The following CFAP47 variants were observed in gnomAD, a reference collection of about 807,000 sequenced individuals.
The protein encoded by CFAP47 is cilia- and flagella-associated protein 47.
A neutral mutation model predicts 148.1 loss-of-function variants in CFAP47; 29 were observed. The ratio of observed to expected loss-of-function variants is 0.20; its 90% CI spans 0.15 to 0.27. The LOEUF (loss-of-function observed/expected upper bound fraction) is 0.27, where lower values mean the gene tolerates loss of function less well. CFAP47 is among the 10% of genes least tolerant of loss of function. The pLI, the probability that CFAP47 is intolerant of heterozygous loss-of-function variation, is 1.00. For missense variants in CFAP47, 1,872 were observed against 1,697.5 expected (o/e 1.10, Z -1.81); for synonymous variants, 664 against 577.3 (o/e 1.15, Z -2.15).
chrX:35,993,841 C>T (rs1339490448), intron 18 of CFAP47, among the ~76,000 whole-genome samples: 1 of 111,263 alleles, frequency 9.0e-6, no homozygotes, highest in Non-Finnish European at 1.9e-5. Flanking sequence ...ATCAATTTTG[C>T]AATGCTAATT....
At chrX:36,287,065 G>A (rs1026863176) in intron 51 of CFAP47, among the ~76,000 whole-genome samples, 3 of 110,871 alleles carry the variant, frequency 2.7e-5, no homozygotes, top group African/African-American at 9.8e-5. Context: ...TACTTTATGT[G>A]CATATTTAAG....
intron 62 of CFAP47, 59 bp downstream of exon 62, chrX:36,367,186 A>G (rs1474088134): frequency 2.6e-5 from 22 of 840,026 alleles, no homozygotes; most frequent in Non-Finnish European, 3.4e-5. Flanking sequence ...CTTTGGAATG[A>G]AATTTAAGAT....
chrX:36,235,999 T>G lies in CFAP47; in HGVS notation c.7080T>G (p.Pro2360=), dbSNP rs1555994510. The G allele has an allele frequency of 1.9e-6, 1 of 516,108 alleles. No individual in the cohort carries two copies. Among genetic ancestry groups the G allele is most frequent in the Non-Finnish European group, 3.5e-6 (1 of 283,314 alleles). 42.5% of individuals were successfully genotyped at this position (516,108 alleles called of 1,213,427 possible). A position where few individuals can be genotyped will look rare whatever the true frequency, so the allele number is the denominator to read the frequency against. The change falls in exon 47 of 64, where the codon CCT becomes CCG. Residue 2360 remains proline (P), a synonymous_variant. Transcript: ENST00000378653. ...VTIEGEWFYG[P]VDLHVGPDEI... ...TAGAAGGAGAATGGTTTTATGGACC[T>G]GTTGATTTACATGTTGGACCAGATG... is the stretch of plus-strand genomic sequence containing the variant.
At chrX:36,241,413 G>T (rs1370306129) in intron 48 of CFAP47, among the ~76,000 whole-genome samples, 2 of 111,652 alleles carry the variant, frequency 1.8e-5, no homozygotes, top group Non-Finnish European at 3.8e-5. Context: ...CTTCCAGATG[G>T]AACTGGGGCA....
At chrX:36,323,610 T>G (rs891123380) in intron 57 of CFAP47, among the ~76,000 whole-genome samples, 30 of 111,563 alleles carry the variant, frequency 2.7e-4, no homozygotes, top group Non-Finnish European at 2.6e-4. Context: ...TGAATGCTAC[T>G]GCTTCATTTC....
chrX:36,107,592 A>T (rs1447863072), intron 33 of CFAP47, among the ~76,000 whole-genome samples: 1 of 112,205 alleles, frequency 8.9e-6, no homozygotes, highest in African/African-American at 3.2e-5. Context: ...ACAAGCCAAC[A>T]GCTTATTATT....
intron 37 of CFAP47, among the ~76,000 whole-genome samples, chrX:36,156,671 AT>A (rs1213978351): frequency 9.0e-6 from 1 of 110,749 alleles, no homozygotes; most frequent in Non-Finnish European, 1.9e-5. Flanking sequence ...AGCAAAAAAA[AT>A]AAAAGGTAAA....
intron 30 of CFAP47, among the ~76,000 whole-genome samples, chrX:36,087,915 C>T (rs1981553150): frequency 9.0e-6 from 1 of 111,297 alleles, no homozygotes; most frequent in Admixed American, 9.6e-5. Flanking sequence ...GCTAGAAGTC[C>T]AAGATCAAGG....
intron 27 of CFAP47, among the ~76,000 whole-genome samples, chrX:36,069,291 A>G (rs1278445023): frequency 1.8e-5 from 2 of 111,662 alleles, no homozygotes; most frequent in African/African-American, 6.5e-5. Context: ...AATTATTGTT[A>G]TGAATAATAT....
chrX:36,361,534 A>G, intron 61 of CFAP47, 33 bp downstream of exon 61: 1 of 679,199 alleles, frequency 1.5e-6, no homozygotes, highest in Non-Finnish European at 2.1e-6. Context: ...TATTTAAACA[A>G]TAGTATTACC....
intron 45 of CFAP47, chrX:36,211,231 G>T: frequency 4.3e-6 from 1 of 235,191 alleles, no homozygotes; most frequent in South Asian, 5.8e-5. Flanking sequence ...CAGTTTCTCA[G>T]AGTTTTCTAA....
chrX:35,936,798 T>C (rs1179257305), intron 2 of CFAP47, among the ~76,000 whole-genome samples: 1 of 110,875 alleles, frequency 9.0e-6, no homozygotes, highest in Non-Finnish European at 1.9e-5. Context: ...GCTCCCACTG[T>C]CTTCTGCTGG....
intron 40 of CFAP47, among the ~76,000 whole-genome samples, chrX:36,182,496 T>A (rs1178250936): frequency 1.8e-5 from 2 of 112,235 alleles, no homozygotes; most frequent in African/African-American, 3.2e-5. Flanking sequence ...TCTTTAAATA[T>A]GTCTTAATAA....
chrX:36,324,246 A>C (rs1015866348), intron 57 of CFAP47, among the ~76,000 whole-genome samples: 1 of 111,884 alleles, frequency 8.9e-6, no homozygotes, highest in East Asian at 2.8e-4. Context: ...GAAATAATCA[A>C]ATGTTACTGA....
intron 8 of CFAP47, among the ~76,000 whole-genome samples, chrX:35,963,134 G>A (rs1936356412): frequency 9.0e-6 from 1 of 110,806 alleles, no homozygotes; most frequent in African/African-American, 3.3e-5. Context: ...TGAACTCATA[G>A]AAGCAGATAG....
intron 58 of CFAP47, among the ~76,000 whole-genome samples, chrX:36,349,421 C>A (rs1941724610): frequency 9.0e-6 from 1 of 110,743 alleles, no homozygotes; most frequent in South Asian, 3.9e-4. Context: ...TGCCACCACG[C>A]CTGGCTAATT....
At chrX:36,154,477 C>T (rs756585326) in intron 37 of CFAP47, among the ~76,000 whole-genome samples, 103 of 112,342 alleles carry the variant, frequency 9.2e-4, no homozygotes, top group Non-Finnish European at 1.4e-3. Flanking sequence ...ATTCTTTTCA[C>T]GAACTTTTAG....
At position 36,074,785 on chromosome X, in the gene CFAP47, C is replaced by G. The variant is rs180711360; in HGVS notation, c.4691+1421C>G. Among the ~76,000 whole-genome samples the G allele has an allele frequency of 6.3e-5, 7 of 111,144 alleles. No individual in the cohort carries two copies. The East Asian group carries it at 2.0e-3, about 31-fold the overall frequency. On this transcript the variant is annotated intron_variant, in intron 29 of 63. Coordinates refer to ENST00000378653, the MANE Select transcript of CFAP47 (RefSeq NM_001304548.2). The stretch of plus-strand genomic sequence containing the variant: ...CTTGTATCATTTGACCAACATCTCT[C>G]GGGTCCCTCAACCTTCAGCCTCTGA...
intron 57 of CFAP47, among the ~76,000 whole-genome samples, chrX:36,322,941 A>G (rs1412408478): frequency 1.8e-5 from 2 of 111,517 alleles, no homozygotes; most frequent in Non-Finnish European, 3.8e-5. Flanking sequence ...AACATAAAAC[A>G]TTAAGAGTAC....
Sources: gnomAD v4.1 joint callset for allele counts (sites outside exome capture counted in the v4.1 genomes callset) on GRCh38, gnomAD v4.1.1 for gene constraint, MANE v1.5 for transcripts, NCBI Gene and HGNC (gene_info 2026-07-23, HGNC 2026-07-21) for gene names.